SPATC1L: variants seen among roughly 807,000 people sequenced by gnomAD.
SPATC1L encodes the protein speriolin-like protein.
In SPATC1L, 20 loss-of-function variants were observed where a neutral mutation model predicts 21.2. The observed-to-expected ratio is 0.94, with a 90% CI of 0.66 to 1.37. The LOEUF (loss-of-function observed/expected upper bound fraction) is 1.37, where lower values mean the gene tolerates loss of function less well. SPATC1L is among the 40% of genes most tolerant of loss of function. The pLI, the probability that SPATC1L is intolerant of heterozygous loss-of-function variation, is 0.00. For missense variants in SPATC1L, 499 were observed against 478.7 expected, an observed-to-expected ratio of 1.04 and a Z score of -0.40; for synonymous variants, 290 against 234.5, an observed-to-expected ratio of 1.24 and a Z score of -2.16.
chr21:46,182,473 C>T (rs548559831), intron 2 of SPATC1L, 151 bp downstream of exon 2: 9 of 707,406 alleles, frequency 1.3e-5, no homozygotes, highest in African/African-American at 9.3e-5. Flanking sequence ...GCAGAACCCA[C>T]CACCTGGTCT....
At chr21:46,162,601 T>TTTTTTTTTTC (rs1376893497) in intron 3 of SPATC1L, among the ~76,000 whole-genome samples, 1 of 149,724 alleles carries the variant, frequency 6.7e-6, no homozygotes, top group African/African-American at 2.5e-5. Context: ...TTTTTTTTTT[T>TTTTTTTTTTC]TCTTAGACAG....
At chr21:46,161,760 C>G in intron 4 of SPATC1L, 55 bp from the exon 5 acceptor site, 1 of 1,499,850 alleles carries the variant, frequency 6.7e-7, no homozygotes, top group Admixed American at 2.0e-5. Context: ...CGGACGGGGA[C>G]TTCCAGGCCC....
intron 2 of SPATC1L, among the ~76,000 whole-genome samples, chr21:46,181,108 G>A (rs62215185): frequency 0.059 from 9,007 of 152,210 alleles, 376 homozygotes; most frequent in Non-Finnish European, 0.093. Context: ...GGACAGCAAC[G>A]CAGCCCGGGG....
rs116170889 is a variant in SPATC1L, at chr21:46,184,447, C to A, written c.-1050G>T. ...TCTCATCCTCATGGGAAGGGACGTACGGCAGAAAGCACAACCCAGTGGGCC... is the reference window on the plus strand; with the variant it reads ...TCTCATCCTCATGGGAAGGGACGTAAGGCAGAAAGCACAACCCAGTGGGCC... On this transcript the variant is annotated 5_prime_UTR_variant, in exon 1 of 5. Coordinates refer to ENST00000291672, the MANE Select transcript of SPATC1L (RefSeq NM_001142854.2). The A allele has an allele frequency of 0.042, 6,877 of 164,670 alleles. 210 individuals are homozygous for A. Among genetic ancestry groups the A allele is most frequent in the Middle Eastern group, 0.12 (36 of 308 alleles). 10.2% of individuals were successfully genotyped at this position (164,670 alleles called of 1,614,324 possible). A position where few individuals can be genotyped will look rare whatever the true frequency, so the allele number is the denominator to read the frequency against.
intron 2 of SPATC1L, among the ~76,000 whole-genome samples, chr21:46,173,082 C>T (rs2079605824): frequency 6.6e-6 from 1 of 152,224 alleles, no homozygotes; most frequent in Non-Finnish European, 1.5e-5. Flanking sequence ...GGTGCAGGAA[C>T]ACAGCCAGGG....
At chr21:46,163,997 T>C (rs2079521556) in intron 3 of SPATC1L, among the ~76,000 whole-genome samples, 1 of 152,166 alleles carries the variant, frequency 6.6e-6, no homozygotes, top group South Asian at 2.1e-4. Flanking sequence ...TCTGTTTATT[T>C]ATTTATTGTT....
chr21:46,182,412 C>A (rs1346910361), intron 2 of SPATC1L, among the ~76,000 whole-genome samples: 1 of 152,252 alleles, frequency 6.6e-6, no homozygotes, highest in Non-Finnish European at 1.5e-5. Flanking sequence ...TGACCACTCC[C>A]ACTTCGCCAG....
intron 2 of SPATC1L, among the ~76,000 whole-genome samples, chr21:46,169,103 T>TA (rs2079562734): frequency 6.6e-6 from 1 of 152,288 alleles, no homozygotes. Context: ...ATTTAACTGT[T>TA]TCCTGGCAAC....
At chr21:46,175,891 T>C (rs536979030) in intron 2 of SPATC1L, among the ~76,000 whole-genome samples, 1 of 152,266 alleles carries the variant, frequency 6.6e-6, no homozygotes, top group Non-Finnish European at 1.5e-5. Flanking sequence ...TGATGAACAT[T>C]GACGCAAAAA....
chr21:46,172,133 G>GCA lies in SPATC1L; in HGVS notation c.194-3476_194-3475insTG, dbSNP rs2079597140. Among the ~76,000 whole-genome samples, 7 of 15,484 alleles carry GCA rather than the reference G, an allele frequency of 4.5e-4. 1 individual carries two copies. In the South Asian group the frequency reaches 0.021, roughly 47 times the overall value. The allele number at this position is 15,484 out of a possible 152,430, so 10.2% of individuals were successfully genotyped here. On this transcript the variant is annotated intron_variant, in intron 2 of 4. Transcript: ENST00000291672. The stretch of plus-strand genomic sequence containing the variant: ...GAGCATGAGGCGGGGGATGCACAGA[G>GCA]TGTGAGGTGGGGGATGCAAAGAGCG...
chr21:46,184,204 A>T (rs1362394259), intron 1 of SPATC1L, among the ~76,000 whole-genome samples, 152 bp downstream of exon 1: 1 of 152,140 alleles, frequency 6.6e-6, no homozygotes, highest in Non-Finnish European at 1.5e-5. Context: ...GTAACTGAGG[A>T]CGCCCCCAAC....
At chr21:46,165,716 C>T (rs1250424118) in intron 3 of SPATC1L, among the ~76,000 whole-genome samples, 1 of 152,102 alleles carries the variant, frequency 6.6e-6, no homozygotes, top group Non-Finnish European at 1.5e-5. Context: ...CCTTTCCCTC[C>T]TCCTAGCCTC....
chr21:46,168,297 C>T lies in SPATC1L; in HGVS notation c.544+11G>A. ...GGGGGCCCCCCCAGGTGCCCCCGCACCCGGCCATACCATTGAGGTAGTAGC... is the reference window on the plus strand; with the variant it reads ...GGGGGCCCCCCCAGGTGCCCCCGCATCCGGCCATACCATTGAGGTAGTAGC... On this transcript the variant is annotated intron_variant, in intron 3 of 4. Coordinates refer to ENST00000291672, the MANE Select transcript of SPATC1L (RefSeq NM_001142854.2). 6.4e-7 allele frequency: 1 copy of T among 1,550,406 alleles called. No homozygotes were observed. The highest frequency in any genetic ancestry group is 8.8e-7 in the Non-Finnish European group (1 of 1,138,762).
chr21:46,173,371 G>A (rs1456136658), intron 2 of SPATC1L, among the ~76,000 whole-genome samples: 1 of 152,114 alleles, frequency 6.6e-6, no homozygotes, highest in East Asian at 1.9e-4. Context: ...CCACACACCA[G>A]CCTGCCTGCT....
rs1053366967 is a variant in SPATC1L at position 46,182,770 on chromosome 21, G to A, written c.47C>T (p.Ala16Val). The change falls in exon 2 of 5, where the codon GCG becomes GTG. Residue 16 changes from alanine (A) to valine (V), a missense_variant. By Grantham distance (64) the Ala-to-Val change is moderately conservative. Transcript: ENST00000291672. ...GAGGCGCACCTGCTTCTTCAGGTCC[G>A]CGTTCTCGCTCAGGAGCCGGCTCAT... The part of the protein sequence containing the change: ...ELMSRLLSEN[A>V]DLKKQVRLLK... 20 of 1,546,974 alleles carry A rather than the reference G, an allele frequency of 1.3e-5. No homozygotes were observed. The highest frequency in any genetic ancestry group is 2.0e-5 in the Admixed American group (1 of 50,872).
intron 2 of SPATC1L, among the ~76,000 whole-genome samples, chr21:46,172,167 G>C (rs145415204): frequency 9.6e-6 from 1 of 104,194 alleles, no homozygotes; most frequent in African/African-American, 4.3e-5. Flanking sequence ...CGTGAGGCGG[G>C]GGATGCACAG....
Position 46,182,941 on chromosome 21 carries a change from C to T in SPATC1L, c.-125G>A, listed in dbSNP as rs2123659736. The T allele has an allele frequency of 3.0e-6, 3 of 991,316 alleles. No individual in the cohort carries two copies. The East Asian group carries it at 8.4e-5, about 28-fold the overall frequency. 61.4% of individuals were successfully genotyped at this position (991,316 alleles called of 1,614,324 possible). A position where few individuals can be genotyped will look rare whatever the true frequency, so the allele number is the denominator to read the frequency against. On this transcript the variant is annotated 5_prime_UTR_variant, in exon 2 of 5. Coordinates refer to ENST00000291672, the MANE Select transcript of SPATC1L (RefSeq NM_001142854.2). ...TCCGTAGCCACCACCGCCTTCCACG[C>T]CTTGTGATGTCACTGCCCTAGTGAT...
At chr21:46,171,191 T>C (rs913171244) in intron 2 of SPATC1L, among the ~76,000 whole-genome samples, 4 of 152,376 alleles carry the variant, frequency 2.6e-5, no homozygotes, top group Admixed American at 1.3e-4. Context: ...GATGAGGTCA[T>C]GTGGCATTTC....
intron 2 of SPATC1L, among the ~76,000 whole-genome samples, chr21:46,173,494 T>C (rs2079608569): frequency 6.6e-6 from 1 of 151,814 alleles, no homozygotes; most frequent in Non-Finnish European, 1.5e-5. Context: ...AGGAGTCCAG[T>C]GGGCCTCCCC....
Sources: allele counts gnomAD v4.1 joint callset (sites outside exome capture counted in the v4.1 genomes callset), GRCh38; gene constraint gnomAD v4.1.1; transcripts MANE v1.5; gene names NCBI Gene and HGNC (gene_info 2026-07-23, HGNC 2026-07-21).